AFG1L: variants seen among roughly 807,000 people sequenced by gnomAD.
The protein encoded by AFG1L is AFG1 like ATPase.
AFG1L carries 53 observed loss-of-function variants against 62.2 expected under a neutral mutation model. The ratio of observed to expected loss-of-function variants is 0.85; its 90% CI spans 0.68 to 1.07. The LOEUF (loss-of-function observed/expected upper bound fraction) is 1.07. AFG1L is among the 50% of genes least tolerant of loss of function. The pLI, the probability that AFG1L is intolerant of heterozygous loss-of-function variation, is 0.00. For synonymous variants in AFG1L, 228 were observed against 210.3 expected (o/e 1.08, Z -0.73); for missense variants, 555 against 590.5 (o/e 0.94, Z 0.62).
chr6:108,299,696 A>T (rs1248250054), intron 1 of AFG1L, among the ~76,000 whole-genome samples: 1 of 152,150 alleles, frequency 6.6e-6, no homozygotes, highest in Non-Finnish European at 1.5e-5. Context: ...CCAGCTACTC[A>T]TGAGGCCAAA....
chr6:108,299,111 A>T (rs1281161042), intron 1 of AFG1L, among the ~76,000 whole-genome samples: 1 of 151,920 alleles, frequency 6.6e-6, no homozygotes, highest in Admixed American at 6.6e-5. Context: ...AAATACAAAA[A>T]TTAGCTGGGC....
intron 1 of AFG1L, 30 bp from the exon 2 acceptor site, chr6:108,323,795 A>C: frequency 6.6e-7 from 1 of 1,516,382 alleles, no homozygotes; most frequent in South Asian, 1.1e-5. Context: ...GTATTTAAGA[A>C]AGTCTAAAAT....
chr6:108,474,090 G>A (rs956150510), intron 8 of AFG1L, among the ~76,000 whole-genome samples: 5 of 152,140 alleles, frequency 3.3e-5, no homozygotes, highest in African/African-American at 1.2e-4. Flanking sequence ...GTGTCCATGT[G>A]TTCTCATTGT....
chr6:108,334,518 T>G (rs539845349), intron 2 of AFG1L, among the ~76,000 whole-genome samples: 1 of 149,724 alleles, frequency 6.7e-6, no homozygotes, highest in South Asian at 2.1e-4. Flanking sequence ...ATGGCAAGAC[T>G]TCATCTCTAA....
chr6:108,477,377 T>A, intron 10 of AFG1L, 85 bp downstream of exon 10: 2 of 692,230 alleles, frequency 2.9e-6, no homozygotes, highest in Non-Finnish European at 4.7e-6. Context: ...TTTCAGATTT[T>A]AAAATACCAT....
chr6:108,338,491 G>T (rs191901196), intron 2 of AFG1L, among the ~76,000 whole-genome samples: 2,842 of 152,064 alleles, frequency 0.019, 46 homozygotes, highest in Middle Eastern at 0.071. Flanking sequence ...ACTTTTTTTT[G>T]TTGTTTTTTA....
At chr6:108,373,211 C>T (rs912909694) in intron 6 of AFG1L, among the ~76,000 whole-genome samples, 2 of 151,974 alleles carry the variant, frequency 1.3e-5, no homozygotes, top group African/African-American at 2.4e-5. Flanking sequence ...TCTAGTAGTC[C>T]CCCGTGTCTA....
chr6:108,514,879 C>T (rs1037953129), intron 11 of AFG1L, among the ~76,000 whole-genome samples: 54 of 152,144 alleles, frequency 3.5e-4, no homozygotes, highest in Non-Finnish European at 3.2e-4. Context: ...TTTAAACCAA[C>T]AAAGATCAAA....
rs547151428 is a variant in AFG1L at position 108,307,242 on chromosome 6, G to C, written c.139+12024G>C. Among the ~76,000 whole-genome samples, 163 of 152,048 alleles carry C rather than the reference G, an allele frequency of 1.1e-3. 2 individuals are homozygous for C. The South Asian group carries it at 0.032, about 30-fold the overall frequency. On this transcript the variant is annotated intron_variant, in intron 1 of 12. Coordinates refer to ENST00000368977, the MANE Select transcript of AFG1L (RefSeq NM_145315.5). ...TTGGCCAGGCTGGTCTAGAACTCCT[G>C]ACGTCGTGATTTGCCCAACTTGGCC...
At chr6:108,472,681 C>CTTT (rs562169670) in intron 8 of AFG1L, among the ~76,000 whole-genome samples, 1 of 138,010 alleles carries the variant, frequency 7.2e-6, no homozygotes, top group African/African-American at 2.6e-5. Context: ...ACCGAGCTAT[C>CTTT]TTTTTTTTTT....
intron 7 of AFG1L, among the ~76,000 whole-genome samples, chr6:108,425,709 C>A (rs1425900931): frequency 2.6e-5 from 4 of 152,014 alleles, no homozygotes; most frequent in African/African-American, 9.7e-5. Context: ...ATATTGCATA[C>A]CTTATTGTCT....
At chr6:108,361,195 T>C (rs903405076) in intron 5 of AFG1L, among the ~76,000 whole-genome samples, 1 of 152,260 alleles carries the variant, frequency 6.6e-6, no homozygotes, top group Non-Finnish European at 1.5e-5. Flanking sequence ...CTGACCTATG[T>C]CCAGTTTATG....
At chr6:108,304,996 A>G (rs1777149590) in intron 1 of AFG1L, among the ~76,000 whole-genome samples, 1 of 152,180 alleles carries the variant, frequency 6.6e-6, no homozygotes, top group Admixed American at 6.5e-5. Flanking sequence ...TCCTAACTCT[A>G]CCTTCCTTGC....
chr6:108,385,181 A>T (rs1451350477), intron 6 of AFG1L, among the ~76,000 whole-genome samples: 1 of 152,268 alleles, frequency 6.6e-6, no homozygotes, highest in Non-Finnish European at 1.5e-5. Context: ...GTGACACATT[A>T]AATATAGAGG....
At chr6:108,395,808 G>A (rs1050664471) in intron 6 of AFG1L, among the ~76,000 whole-genome samples, 20 of 151,458 alleles carry the variant, frequency 1.3e-4, no homozygotes, top group African/African-American at 4.1e-4. Context: ...GAGGGAAGGA[G>A]AGAGAGAGGG....
intron 8 of AFG1L, 135 bp downstream of exon 8, chr6:108,447,431 T>C (rs1023314280): frequency 2.0e-5 from 11 of 564,012 alleles, no homozygotes; most frequent in Non-Finnish European, 3.2e-5. Context: ...AATGTTCTCA[T>C]GTTAACTTCT....
chr6:108,380,498 T>C (rs1780452211), intron 6 of AFG1L, among the ~76,000 whole-genome samples: 1 of 152,052 alleles, frequency 6.6e-6, no homozygotes, highest in South Asian at 2.1e-4. Context: ...CTGTAGCAGC[T>C]CTCTTCCGTG....
intron 5 of AFG1L, chr6:108,359,000 A>G (rs1009930273): frequency 1.3e-5 from 2 of 152,234 alleles, no homozygotes; most frequent in African/African-American, 2.4e-5. Context: ...GGCTCATGAT[A>G]CTTTTAGGGA....
intron 2 of AFG1L, among the ~76,000 whole-genome samples, chr6:108,346,092 C>G (rs1778853958): frequency 6.6e-6 from 1 of 152,172 alleles, no homozygotes; most frequent in Non-Finnish European, 1.5e-5. Context: ...CTGTGGGCTA[C>G]TATGGTTATT....
Sources: allele counts gnomAD v4.1 joint callset (sites outside exome capture counted in the v4.1 genomes callset), GRCh38; gene constraint gnomAD v4.1.1; transcripts MANE v1.5; gene names NCBI Gene and HGNC (gene_info 2026-07-23, HGNC 2026-07-21).